Variants in CTNNA3 observed in about 807,000 individuals in gnomAD.
The protein encoded by CTNNA3 is catenin alpha-3.
In CTNNA3, 76 loss-of-function variants were observed where a neutral mutation model predicts 95.7. The ratio of observed to expected loss-of-function variants is 0.79; its 90% CI spans 0.66 to 0.96. The LOEUF is 0.96. CTNNA3 is among the 40% of genes least tolerant of loss of function. The pLI is 0.00. For synonymous variants in CTNNA3, 431 were observed against 374.4 expected (o/e 1.15, Z -1.74); for missense variants, 1,191 against 1,089.8 (o/e 1.09, Z -1.31).
intron 7 of CTNNA3, among the ~76,000 whole-genome samples, chr10:66,977,570 T>A (rs1165710548): frequency 1.3e-5 from 2 of 152,200 alleles, no homozygotes; most frequent in African/African-American, 4.8e-5. Flanking sequence ...CACTGTCACG[T>A]GTAAAATAGA....
At chr10:67,566,039 G>GTATATATATATATATA (rs1437054675) in intron 3 of CTNNA3, among the ~76,000 whole-genome samples, 3 of 19,880 alleles carry the variant, frequency 1.5e-4, no homozygotes, top group Admixed American at 6.5e-4. Flanking sequence ...ACATATGTGT[G>GTATATATATATATATA]TGTGTATATA....
chr10:66,964,002 A>G (rs1849265399), intron 7 of CTNNA3, among the ~76,000 whole-genome samples: 1 of 151,692 alleles, frequency 6.6e-6, no homozygotes, highest in Non-Finnish European at 1.5e-5. Flanking sequence ...ATGCACCACC[A>G]TGCCCAGCTA....
intron 1 of CTNNA3, among the ~76,000 whole-genome samples, chr10:67,738,111 C>A (rs1400031024): frequency 2.0e-5 from 3 of 152,106 alleles, no homozygotes; most frequent in South Asian, 2.1e-4. Context: ...CCACAGCAGC[C>A]CAACAGAAGA....
intron 11 of CTNNA3, among the ~76,000 whole-genome samples, chr10:66,420,839 A>AAATAAATAAAGAAAT (rs147665115): frequency 1.3e-5 from 1 of 76,908 alleles, no homozygotes; most frequent in South Asian, 5.2e-4. Flanking sequence ...ATAAATAAAT[A>AAATAAATAAAGAAAT]AAAAACAATA....
At chr10:67,722,633 T>C (rs1841185912) in intron 1 of CTNNA3, among the ~76,000 whole-genome samples, 1 of 152,194 alleles carries the variant, frequency 6.6e-6, no homozygotes, top group Non-Finnish European at 1.5e-5. Flanking sequence ...TATAATTATG[T>C]ATCAGAAGCA....
chr10:67,053,339 G>C (rs572602027), intron 7 of CTNNA3, among the ~76,000 whole-genome samples: 34 of 152,230 alleles, frequency 2.2e-4, no homozygotes, highest in South Asian at 2.1e-3. Context: ...TGATTCCATT[G>C]ATCTGAGGTG....
chr10:67,739,193 A>G (rs138564472), intron 1 of CTNNA3, among the ~76,000 whole-genome samples: 2,011 of 152,282 alleles, frequency 0.013, 43 homozygotes, highest in African/African-American at 0.046. Flanking sequence ...AGCCAGAGAG[A>G]AAGGTTGGGT....
intron 9 of CTNNA3, among the ~76,000 whole-genome samples, chr10:66,727,040 T>C (rs1286152443): frequency 2.0e-5 from 3 of 152,130 alleles, no homozygotes; most frequent in Non-Finnish European, 4.4e-5. Context: ...ATTTCATAGA[T>C]GTGTAACAAG....
At chr10:66,042,603 A>C (rs902850225) in intron 15 of CTNNA3, among the ~76,000 whole-genome samples, 6 of 152,080 alleles carry the variant, frequency 3.9e-5, no homozygotes, top group Non-Finnish European at 8.8e-5. Context: ...TAGTATTAAA[A>C]AAAAATGAGA....
intron 7 of CTNNA3, among the ~76,000 whole-genome samples, chr10:67,028,010 A>G (rs1247508812): frequency 6.6e-6 from 1 of 152,182 alleles, no homozygotes. Context: ...GGTAGCTGGT[A>G]TTAACTGTAT....
intron 5 of CTNNA3, among the ~76,000 whole-genome samples, chr10:67,347,222 GGTTTT>G (rs928992253): frequency 2.0e-5 from 3 of 151,546 alleles, no homozygotes; most frequent in Non-Finnish European, 4.4e-5. Flanking sequence ...AGCTAATTTG[GGTTTT>G]GTTTTGTTTT....
chr10:65,992,359 A>G (rs1053088904), intron 15 of CTNNA3, among the ~76,000 whole-genome samples: 1 of 152,086 alleles, frequency 6.6e-6, no homozygotes, highest in African/African-American at 2.4e-5. Context: ...GAATTCAGCA[A>G]TAAAGGAACC....
rs966854840 is a variant in CTNNA3, at chr10:66,852,733, G to A, written c.1048-77209C>T. Among the ~76,000 whole-genome samples, 4 of 151,992 alleles carry A rather than the reference G, an allele frequency of 2.6e-5. No individual in the cohort carries two copies. The East Asian group carries it at 7.7e-4, about 29-fold the overall frequency. ...ATTTACCAATACTTGTAGTAGTACT[G>A]TAAAACATAAGTTTACATAAAAATC... On this transcript the variant is annotated intron_variant, in intron 7 of 17. Transcript: ENST00000433211.
chr10:66,935,897 A>C (rs1228925409), intron 7 of CTNNA3, among the ~76,000 whole-genome samples: 1 of 152,026 alleles, frequency 6.6e-6, no homozygotes, highest in East Asian at 1.9e-4. Context: ...AAAATAATTT[A>C]TACCCCACCC....
chr10:66,471,475 CCTTT>C (rs1839130108), intron 11 of CTNNA3, among the ~76,000 whole-genome samples: 1 of 151,184 alleles, frequency 6.6e-6, no homozygotes, highest in African/African-American at 2.4e-5. Flanking sequence ...TTGCAAAATC[CCTTT>C]CTAAGCTAAT....
At chr10:67,366,218 G>A (rs1359574680) in intron 5 of CTNNA3, among the ~76,000 whole-genome samples, 2 of 152,192 alleles carry the variant, frequency 1.3e-5, no homozygotes, top group Non-Finnish European at 1.5e-5. Flanking sequence ...GGGGTTGGGG[G>A]GCTGAGGGAA....
chr10:67,155,467 T>G (rs7911365), intron 7 of CTNNA3, among the ~76,000 whole-genome samples: 95,836 of 151,682 alleles, frequency 0.63, 31,464 homozygotes, highest in African/African-American at 0.82. Flanking sequence ...GATATAATGT[T>G]TCATTAATGT....
intron 15 of CTNNA3, among the ~76,000 whole-genome samples, chr10:65,997,276 G>GA (rs144503110): frequency 0.025 from 3,828 of 152,166 alleles, 139 homozygotes; most frequent in African/African-American, 0.084. Flanking sequence ...AAGAAATCCA[G>GA]AAAAAAATGA....
intron 5 of CTNNA3, among the ~76,000 whole-genome samples, chr10:67,298,513 G>A (rs963895068): frequency 5.3e-5 from 8 of 152,134 alleles, no homozygotes; most frequent in African/African-American, 1.7e-4. Flanking sequence ...AGTTACTATA[G>A]TACTTGCTTC....
Sources: gnomAD v4.1 joint callset for allele counts (sites outside exome capture counted in the v4.1 genomes callset) on GRCh38, gnomAD v4.1.1 for gene constraint, MANE v1.5 for transcripts, NCBI Gene and HGNC (gene_info 2026-07-23, HGNC 2026-07-21) for gene names.